The following LCP2 variants were observed in gnomAD, a reference collection of about 807,000 sequenced individuals.
The protein encoded by LCP2 is lymphocyte cytosolic protein 2.
Under a neutral mutation model 74.5 loss-of-function variants are expected in LCP2, and 29 were observed. The observed-to-expected ratio is 0.39, with a 90% confidence interval of 0.29 to 0.53. The LOEUF is 0.53. LCP2 is among the 20% of genes least tolerant of loss of function. The probability of loss-of-function intolerance (pLI) is 0.72; values close to 1 mark genes in which losing one functional copy is unlikely to be tolerated. For synonymous variants in LCP2, 228 were observed against 229.5 expected (o/e 0.99, Z 0.06); for missense variants, 604 against 634.6 (o/e 0.95, Z 0.52).
rs114806549 is a variant in LCP2 at position 170,291,670 on chromosome 5, A to G, written c.141+1640T>C. On this transcript the variant is annotated intron_variant, in intron 2 of 20. Coordinates refer to ENST00000046794, the MANE Select transcript of LCP2 (RefSeq NM_005565.5). ...GAGCCGGGAGGGGCCATCACCCACTATGACCCAGTCCAATGTGCTCAGTCA... is the reference window on the plus strand; with the variant it reads ...GAGCCGGGAGGGGCCATCACCCACTGTGACCCAGTCCAATGTGCTCAGTCA... 2.7e-3 allele frequency among the ~76,000 whole-genome samples: 416 copies of G among 152,296 alleles called. 1 individual carries two copies. Among genetic ancestry groups the G allele is most frequent in the African/African-American group, 9.6e-3 (398 of 41,554 alleles).
At position 170,262,873 on chromosome 5, in the gene LCP2, G is replaced by T. The variant is rs750518923; in HGVS notation, c.799-12C>A. On this transcript the variant is annotated splice_polypyrimidine_tract_variant and intron_variant, in intron 11 of 20. Transcript: ENST00000046794. Reference sequence around the variant, plus strand: ...GCTGGAATCGAGGGCTGCAAGACAGGAGGAAAAATGTATGAGTGTCCAAGC... The same window carrying T: ...GCTGGAATCGAGGGCTGCAAGACAGTAGGAAAAATGTATGAGTGTCCAAGC... The T allele has an allele frequency of 2.9e-5, 47 of 1,613,910 alleles. No individual in the cohort carries two copies. The highest frequency in any genetic ancestry group is 6.7e-5 in the Admixed American group (4 of 60,002).
intron 20 of LCP2, among the ~76,000 whole-genome samples, chr5:170,249,560 A>G (rs983127819): frequency 6.6e-6 from 1 of 152,108 alleles, no homozygotes; most frequent in Non-Finnish European, 1.5e-5. Context: ...GTTAGGAAAC[A>G]TAAGGACTCA....
chr5:170,276,600 TGGAGCTGGG>T (rs764720803), intron 3 of LCP2, among the ~76,000 whole-genome samples: 1 of 152,090 alleles, frequency 6.6e-6, no homozygotes, highest in Admixed American at 6.6e-5. Flanking sequence ...AATCCCAGGA[TGGAGCTGGG>T]GGAGCTGGGG....
intron 19 of LCP2, 179 bp from the exon 20 acceptor site, chr5:170,251,064 A>G (rs916188503): frequency 8.0e-5 from 45 of 565,186 alleles, no homozygotes; most frequent in Non-Finnish European, 1.3e-5. Flanking sequence ...TACATATCCC[A>G]TGTGTCATGA....
At chr5:170,251,063 C>A in intron 19 of LCP2, 178 bp from the exon 20 acceptor site, 1 of 565,242 alleles carries the variant, frequency 1.8e-6, no homozygotes, top group Non-Finnish European at 3.1e-6. Context: ...CTACATATCC[C>A]ATGTGTCATG....
intron 13 of LCP2, 55 bp downstream of exon 13, chr5:170,262,580 C>T (rs961254112): frequency 3.0e-6 from 4 of 1,349,998 alleles, no homozygotes; most frequent in African/African-American, 1.4e-5. Context: ...CAGCACAGGG[C>T]AGCCTGTCTG....
intron 20 of LCP2, among the ~76,000 whole-genome samples, chr5:170,249,494 T>TTTTTGG (rs995898063): frequency 1.8e-4 from 27 of 151,940 alleles, no homozygotes; most frequent in African/African-American, 6.0e-4. Flanking sequence ...GGTTGCTCTG[T>TTTTTGG]TTTTGGTTTT....
chr5:170,256,450 G>T lies in LCP2; in HGVS notation c.1150+76C>A. The T allele has an allele frequency of 8.6e-7, 1 of 1,166,348 alleles. No homozygotes were observed. Among genetic ancestry groups the T allele is most frequent in the Non-Finnish European group, 1.3e-6 (1 of 776,372 alleles). The allele number at this position is 1,166,348 out of a possible 1,614,324, so 72.2% of individuals were successfully genotyped here. A position where few individuals can be genotyped will look rare whatever the true frequency, so the allele number is the denominator to read the frequency against. On this transcript the variant is annotated intron_variant, in intron 17 of 20. Transcript: ENST00000046794. The surrounding 1 kb of genome is among the most constrained non-coding windows in gnomAD (Gnocchi z 4.5). ...GGAAACAATAAAACCTTTGTCGAAA[G>T]CTTTTGGGACAGGTTAGGGATCCAG...
At position 170,256,378 on chromosome 5, in the gene LCP2, C is replaced by T. The variant is rs1761551802; in HGVS notation, c.1150+148G>A. On this transcript the variant is annotated intron_variant, in intron 17 of 20. Transcript: ENST00000046794. This position sits in a 1 kb window ranked among gnomAD's most constrained non-coding sequence, Gnocchi z 4.5. ...TATCATTCCGACAGCCCTTGGCACA[C>T]TGCAGACACGGAATTAAATGTTGAA... 1.5e-6 allele frequency: 1 copy of T among 683,984 alleles called. No individual in the cohort carries two copies. The highest frequency in any genetic ancestry group is 1.7e-5 in the South Asian group (1 of 58,926). The allele number at this position is 683,984 out of a possible 1,614,324, so 42.4% of individuals were successfully genotyped here.
At chr5:170,258,843 T>G (rs370248058) in intron 15 of LCP2, 23 bp downstream of exon 15, 1 of 1,568,100 alleles carries the variant, frequency 6.4e-7, no homozygotes. Flanking sequence ...TTATAGGCTG[T>G]AAGAATGTGT....
chr5:170,266,794 T>C lies in LCP2; in HGVS notation c.772+14A>G, dbSNP rs778477791. The C allele has an allele frequency of 1.9e-6, 3 of 1,603,500 alleles. No individual in the cohort carries two copies. Among genetic ancestry groups the C allele is most frequent in the Middle Eastern group, 1.7e-4 (1 of 6,052 alleles). Reference sequence around the variant, plus strand: ...TATCATTATTACTATGCATTAAATGTGAATCATACCCACCTAGTGTGAAGG... The same window carrying C: ...TATCATTATTACTATGCATTAAATGCGAATCATACCCACCTAGTGTGAAGG... On this transcript the variant is annotated intron_variant, in intron 10 of 20. Coordinates refer to ENST00000046794, the MANE Select transcript of LCP2 (RefSeq NM_005565.5).
intron 20 of LCP2, 85 bp downstream of exon 20, chr5:170,250,645 C>T (rs578058528): frequency 2.3e-5 from 24 of 1,066,408 alleles, no homozygotes; most frequent in Admixed American, 2.0e-4. Context: ...CCATACAGCA[C>T]GGACTCTCAA....
chr5:170,275,950 C>T, intron 3 of LCP2, 90 bp from the exon 4 acceptor site: 1 of 1,198,832 alleles, frequency 8.3e-7, no homozygotes, highest in Admixed American at 2.0e-5. Context: ...TCTATAGAAA[C>T]TTGGGGCACC....
chr5:170,287,694 C>A (rs942438907), intron 3 of LCP2: 8 of 493,736 alleles, frequency 1.6e-5, no homozygotes, highest in African/African-American at 7.7e-5. Context: ...CAGGCCCAAG[C>A]ACCCCATGAG....
Position 170,273,218 on chromosome 5 carries a change from TCA to T in LCP2, c.324+1081_324+1082del, listed in dbSNP as rs539554390. ...TATAGCCACTAGTGAATGGAAGCCCTCAGTTTACAGAGAGGATCGAAGACTAG... is the reference window on the plus strand; with the variant it reads ...TATAGCCACTAGTGAATGGAAGCCCTGTTTACAGAGAGGATCGAAGACTAG... On this transcript the variant is annotated intron_variant, in intron 6 of 20. Coordinates refer to ENST00000046794, the MANE Select transcript of LCP2 (RefSeq NM_005565.5). Among the ~76,000 whole-genome samples the T allele has an allele frequency of 8.7e-4, 133 of 152,196 alleles. 1 individual carries two copies. The highest frequency in any genetic ancestry group is 3.1e-3 in the African/African-American group (128 of 41,534).
chr5:170,277,576 G>A (rs771226967), intron 3 of LCP2, among the ~76,000 whole-genome samples: 13 of 151,750 alleles, frequency 8.6e-5, no homozygotes, highest in Non-Finnish European at 1.5e-4. Context: ...GTGAAACCCC[G>A]TCTCTACTAA....
chr5:170,275,246 G>A (rs1761987250), intron 5 of LCP2, 74 bp downstream of exon 5: 2 of 1,522,906 alleles, frequency 1.3e-6, no homozygotes, highest in Non-Finnish European at 9.1e-7. Context: ...GGAGCCCCAG[G>A]AACCAGAAAG....
Position 170,248,511 on chromosome 5 carries a change from T to A in LCP2, c.*186A>T. 1.7e-6 allele frequency: 1 copy of A among 598,026 alleles called. No individual in the cohort carries two copies. The highest frequency in any genetic ancestry group is 2.9e-6 in the Non-Finnish European group (1 of 340,104). The allele number at this position is 598,026 out of a possible 1,614,324, so 37.0% of individuals were successfully genotyped here. On this transcript the variant is annotated 3_prime_UTR_variant, in exon 21 of 21. Coordinates refer to ENST00000046794, the MANE Select transcript of LCP2 (RefSeq NM_005565.5). ...GCACTTTACAAACATTGAAGAAGAA[T>A]AAATAAATTATGGGATAGTTGACAG...
intron 5 of LCP2, 45 bp downstream of exon 5, chr5:170,275,275 C>T (rs1014970303): frequency 2.5e-6 from 4 of 1,609,314 alleles, no homozygotes; most frequent in African/African-American, 1.3e-5. Flanking sequence ...ACTGAAATAC[C>T]TATCACCTCC....
Sources: allele counts gnomAD v4.1 joint callset (sites outside exome capture counted in the v4.1 genomes callset), GRCh38; gene constraint gnomAD v4.1.1; non-coding constraint Gnocchi (gnomAD v3.1); transcripts MANE v1.5; gene names NCBI Gene and HGNC (gene_info 2026-07-23, HGNC 2026-07-21).